Variants in CELSR1 observed in about 807,000 individuals in gnomAD.
CELSR1 encodes adhesion G protein-coupled receptor C1.
A neutral mutation model predicts 249.1 loss-of-function variants in CELSR1; 110 were observed. The observed-to-expected ratio is 0.44, with a 90% confidence interval of 0.38 to 0.52. The LOEUF is 0.52. Ranked by LOEUF, CELSR1 falls within the 20% of genes least tolerant of loss-of-function variation. The probability of loss-of-function intolerance (pLI) is 0.00; values close to 1 mark genes in which losing one functional copy is unlikely to be tolerated. For synonymous variants in CELSR1, 2,113 were observed against 1,900.0 expected (o/e 1.11, Z -2.92); for missense variants, 4,109 against 4,296.4 (o/e 0.96, Z 1.22).
chr22:46,460,215 A>C (rs867426275), intron 2 of CELSR1, among the ~76,000 whole-genome samples: 4 of 139,666 alleles, frequency 2.9e-5, no homozygotes, highest in Non-Finnish European at 6.2e-5. Context: ...ACACACACAC[A>C]CCCATTAGCT....
Position 46,535,608 on chromosome 22 carries a change from G to C in CELSR1, c.1563C>G (p.Pro521=). The change falls in exon 1 of 35, where the codon CCC becomes CCG. Residue 521 remains proline (P), a synonymous_variant. Coordinates refer to ENST00000674500, the MANE Select transcript of CELSR1 (RefSeq NM_001378328.1). ...ATTTCTGGACATCCTCGAAATCCAA[G>C]GGGTTGATCACATCCAGGATCCCGC... The part of the protein sequence containing the change: ...SLSGILDVIN[P]LDFEDVQKYS... The C allele has an allele frequency of 6.2e-7, 1 of 1,613,472 alleles. No individual in the cohort carries two copies. Among genetic ancestry groups the C allele is most frequent in the Non-Finnish European group, 8.5e-7 (1 of 1,180,036 alleles).
Position 46,533,637 on chromosome 22 carries a change from C to G in CELSR1, c.3534G>C (p.Val1178=). ...NNRPLEALME[V]SVSDGIHSVT... is the part of the protein sequence containing the mutation. Reference sequence around the variant, plus strand: ...CCGACGGCCACTCACCAGACACAGACACCTCCATGAGCGCCTCCAGCGGCC... The same window carrying G: ...CCGACGGCCACTCACCAGACACAGAGACCTCCATGAGCGCCTCCAGCGGCC... The change falls in exon 1 of 35, where the codon GTG becomes GTC. Residue 1178 remains valine (V), a synonymous_variant. Coordinates refer to ENST00000674500, the MANE Select transcript of CELSR1 (RefSeq NM_001378328.1). 1 of 1,569,506 alleles carries G rather than the reference C, an allele frequency of 6.4e-7. No individual in the cohort carries two copies. The highest frequency in any genetic ancestry group is 8.6e-7 in the Non-Finnish European group (1 of 1,161,590).
chr22:46,487,574 G>A (rs1173195947), intron 1 of CELSR1, among the ~76,000 whole-genome samples: 1 of 65,164 alleles, frequency 1.5e-5, no homozygotes, highest in Non-Finnish European at 3.1e-5. Context: ...GGGGGTGAGG[G>A]GGAGGGGAGT....
chr22:46,412,366 C>CCT lies in CELSR1; in HGVS notation c.4612-609_4612-608dup, dbSNP rs2079347862. Among the ~76,000 whole-genome samples, 1 of 152,150 alleles carries CCT rather than the reference C, an allele frequency of 6.6e-6. No homozygotes were observed. The highest frequency in any genetic ancestry group is 2.1e-4 in the South Asian group (1 of 4,824). ...CAGCCAACACCCAAGTCCTGGGGCC[C>CCT]CTCCTGTGAACACCCGCTTCTGCTC... On this transcript the variant is annotated intron_variant, in intron 5 of 34. Transcript: ENST00000674500. This position sits in a 1 kb window ranked among gnomAD's most constrained non-coding sequence, Gnocchi z 4.5.
At position 46,436,280 on chromosome 22, in the gene CELSR1, A is replaced by G. The variant is rs751865826; in HGVS notation, c.4416T>C (p.Thr1472=). ...FHFTISLTFA[T]QERNGLLLYN... is the part of the protein sequence containing the mutation. The stretch of plus-strand genomic sequence containing the variant: ...AGAGAAGCAAGCCGTTCCTTTCCTG[A>G]GTGGCAAACCTGTGGGGCCAAGCAG... The change falls in exon 4 of 35, where the codon ACT becomes ACC. Residue 1472 remains threonine, a synonymous_variant. Coordinates refer to ENST00000674500, the MANE Select transcript of CELSR1 (RefSeq NM_001378328.1). The surrounding 1 kb of genome is among the most constrained non-coding windows in gnomAD (Gnocchi z 5.9). The G allele has an allele frequency of 6.2e-7, 1 of 1,613,908 alleles. No individual in the cohort carries two copies.
intron 1 of CELSR1, chr22:46,481,466 A>C: frequency 6.3e-7 from 1 of 1,578,486 alleles, no homozygotes; most frequent in Non-Finnish European, 8.6e-7. Context: ...GCATCTATTG[A>C]ATCTTTGGCT....
Position 46,384,605 on chromosome 22 carries a change from G to A in CELSR1, c.6821C>T (p.Pro2274Leu), listed in dbSNP as rs1353398992. ...GGAGACGGAGGACTCCAGCTCCCTGGGGAACTCTTCATGGATGGTGTCGAA... is the reference window on the plus strand; with the variant it reads ...GGAGACGGAGGACTCCAGCTCCCTGAGGAACTCTTCATGGATGGTGTCGAA... Reference protein sequence around the residue: ...PRFDTIHEEFPRELESSVSFP... With the variant: ...PRFDTIHEEFLRELESSVSFP... The change falls in exon 20 of 35, where the codon CCC (proline) becomes CTC (leucine). Residue 2274 changes from proline to leucine, a missense_variant. Physicochemically the swap from Pro to Leu is moderately conservative, Grantham distance 98. Coordinates refer to ENST00000674500, the MANE Select transcript of CELSR1 (RefSeq NM_001378328.1). The A allele has an allele frequency of 1.9e-6, 3 of 1,613,624 alleles. No individual in the cohort carries two copies. Among genetic ancestry groups the A allele is most frequent in the African/African-American group, 1.3e-5 (1 of 74,900 alleles).
At chr22:46,403,796 A>T (rs2079233766) in intron 9 of CELSR1, among the ~76,000 whole-genome samples, 1 of 151,576 alleles carries the variant, frequency 6.6e-6, no homozygotes, top group African/African-American at 2.4e-5. Context: ...TACATGGTGA[A>T]ACCCCGTCTC....
At chr22:46,516,663 T>C (rs1024180539) in intron 1 of CELSR1, among the ~76,000 whole-genome samples, 24 of 152,154 alleles carry the variant, frequency 1.6e-4, no homozygotes, top group Non-Finnish European at 2.9e-4. Context: ...CAAAGCTCAT[T>C]TGCTGCCACC....
chr22:46,503,564 G>T (rs8142719), intron 1 of CELSR1, among the ~76,000 whole-genome samples: 4 of 152,202 alleles, frequency 2.6e-5, no homozygotes, highest in Non-Finnish European at 5.9e-5. Context: ...GCCCGAGGCC[G>T]GACCAGGCAC....
In CELSR1 at chr22:46,384,691, G is replaced by A. The variant is rs1291602542; in HGVS notation, c.6740-5C>T. 1 of 1,611,068 alleles carries A rather than the reference G, an allele frequency of 6.2e-7. No homozygotes were observed. The highest frequency in any genetic ancestry group is 1.3e-5 in the African/African-American group (1 of 74,704). On this transcript the variant is annotated splice_polypyrimidine_tract_variant and splice_region_variant and intron_variant, in intron 19 of 34. Transcript: ENST00000674500. Reference sequence around the variant, plus strand: ...CAAAGATGTCGACAGCAAGAACTGGGGGGACAGTTCCTTTAATCAGACATA... The same window carrying A: ...CAAAGATGTCGACAGCAAGAACTGGAGGGACAGTTCCTTTAATCAGACATA...
At position 46,373,532 on chromosome 22, in the gene CELSR1, G is replaced by A. The variant is rs140270511; in HGVS notation, c.7585-475C>T. On this transcript the variant is annotated intron_variant, in intron 24 of 34. Transcript: ENST00000674500. ...CCAGCGCTCTGGGAGGGGCAGCTTC[G>A]TGCCCAGTGCTCTGGGAGAGGCTGC... Among the ~76,000 whole-genome samples, 610 of 151,218 alleles carry A rather than the reference G, an allele frequency of 4.0e-3. 2 individuals carry two copies. The highest frequency in any genetic ancestry group is 6.9e-3 in the Middle Eastern group (2 of 290).
chr22:46,436,310 A>C lies in CELSR1; in HGVS notation c.4407-21T>G. On this transcript the variant is annotated intron_variant, in intron 3 of 34. Transcript: ENST00000674500. The surrounding 1 kb of genome is among the most constrained non-coding windows in gnomAD (Gnocchi z 5.9). Reference sequence around the variant, plus strand: ...CAAACCTGTGGGGCCAAGCAGAGGCACATCACAGGATGAAGACCCCAGGGT... The same window carrying C: ...CAAACCTGTGGGGCCAAGCAGAGGCCCATCACAGGATGAAGACCCCAGGGT... 6.3e-7 allele frequency: 1 copy of C among 1,594,796 alleles called. No individual in the cohort carries two copies. The highest frequency in any genetic ancestry group is 1.1e-5 in the South Asian group (1 of 90,590).
intron 1 of CELSR1, among the ~76,000 whole-genome samples, chr22:46,508,068 C>T (rs1229721185): frequency 6.6e-6 from 1 of 152,182 alleles, no homozygotes; most frequent in East Asian, 1.9e-4. Context: ...AGCTCTGGTC[C>T]TGGCCCACAG....
intron 32 of CELSR1, 97 bp from the exon 33 acceptor site, chr22:46,364,833 C>T: frequency 8.2e-7 from 1 of 1,225,152 alleles, no homozygotes; most frequent in Non-Finnish European, 1.1e-6. Flanking sequence ...CACCTCTCCC[C>T]AACCTGCAGG....
At position 46,391,143 on chromosome 22, in the gene CELSR1, G is replaced by A; in HGVS notation, c.6250+43C>T. ...CATCTCGACTGGCTCCTCCCACAAG[G>A]ACGCCTGCCTCAGTTCCCTACACAC... On this transcript the variant is annotated intron_variant, in intron 16 of 34. Transcript: ENST00000674500. This position sits in a 1 kb window ranked among gnomAD's most constrained non-coding sequence, Gnocchi z 4.3. 6.6e-7 allele frequency: 1 copy of A among 1,515,158 alleles called. No homozygotes were observed. Among genetic ancestry groups the A allele is most frequent in the Non-Finnish European group, 9.1e-7 (1 of 1,101,316 alleles). 93.9% of individuals were successfully genotyped at this position (1,515,158 alleles called of 1,614,324 possible). A position where few individuals can be genotyped will look rare whatever the true frequency, so the allele number is the denominator to read the frequency against.
chr22:46,435,281 T>A (rs1372815635), intron 4 of CELSR1, among the ~76,000 whole-genome samples: 21 of 111,778 alleles, frequency 1.9e-4, no homozygotes, highest in African/African-American at 9.3e-4. Context: ...AAAAAAAAAT[T>A]TTTTTTTTTT....
Position 46,463,984 on chromosome 22 carries a change from G to T in CELSR1, c.3906C>A (p.Phe1302Leu), listed in dbSNP as rs756104205. ...TTISTQRVLPFDDNICLREPC... is the reference protein window; with the variant it reads ...TTISTQRVLPLDDNICLREPC... Reference sequence around the variant, plus strand: ...GCTCGCGCAGGCAGATGTTGTCGTCGAAGGGCAGCACGCGCTGCGTGGAGA... The same window carrying T: ...GCTCGCGCAGGCAGATGTTGTCGTCTAAGGGCAGCACGCGCTGCGTGGAGA... The change falls in exon 2 of 35, where the codon TTC (phenylalanine) becomes TTA (leucine). Residue 1302 changes from phenylalanine to leucine, a missense_variant. Physicochemically the swap from Phe to Leu is conservative, Grantham distance 22 (BLOSUM62 0). Transcript: ENST00000674500. 6.2e-7 allele frequency: 1 copy of T among 1,613,946 alleles called. No homozygotes were observed. The highest frequency in any genetic ancestry group is 8.5e-7 in the Non-Finnish European group (1 of 1,180,040).
chr22:46,537,137 G>C lies in CELSR1; in HGVS notation c.34C>G (p.Leu12Val). ...GCGGCGGCGGCGGCCAGGAGCAGCAGCACGGGCAGCACGGGCGGCGGCGGC... is the reference window on the plus strand; with the variant it reads ...GCGGCGGCGGCGGCCAGGAGCAGCACCACGGGCAGCACGGGCGGCGGCGGC... ...APPPPPVLPVLLLLAAAAALP... is the reference protein window; with the variant it reads ...APPPPPVLPVVLLLAAAAALP... The change falls in exon 1 of 35, where the codon CTG (leucine) becomes GTG (valine). Residue 12 changes from leucine (L) to valine (V), a missense_variant. Leu to Val is a conservative substitution (Grantham distance 32). Around this residue, in one of 7 missense-constraint regions of CELSR1, gnomAD observed 673 missense variants for 636.8 expected, o/e 1.06. Transcript: ENST00000674500. The surrounding 1 kb of genome is among the most constrained non-coding windows in gnomAD (Gnocchi z 5.8). 9.7e-7 allele frequency: 1 copy of C among 1,030,118 alleles called. No homozygotes were observed. The highest frequency in any genetic ancestry group is 1.2e-6 in the Non-Finnish European group (1 of 861,304). 63.8% of individuals were successfully genotyped at this position (1,030,118 alleles called of 1,614,324 possible). A position where few individuals can be genotyped will look rare whatever the true frequency, so the allele number is the denominator to read the frequency against.
Sources: allele counts gnomAD v4.1 joint callset (sites outside exome capture counted in the v4.1 genomes callset), GRCh38; gene constraint gnomAD v4.1.1; regional missense constraint gnomAD v4.1.1; non-coding constraint Gnocchi (gnomAD v3.1); transcripts MANE v1.5; gene names NCBI Gene and HGNC (gene_info 2026-07-23, HGNC 2026-07-21).